The following ADGB variants were observed in gnomAD, a reference collection of about 807,000 sequenced individuals.
The protein encoded by ADGB is calpain-7-like protein.
In ADGB, 172 loss-of-function variants were observed where a neutral mutation model predicts 210.5. That is an observed-to-expected ratio of 0.82 (90% CI 0.72 to 0.93). ADGB has a LOEUF of 0.93. Ranked by LOEUF, ADGB falls within the 40% of genes least tolerant of loss-of-function variation. ADGB has a pLI of 0.00. For missense variants in ADGB, 2,025 were observed against 1,964.8 expected (o/e 1.03, Z -0.58); for synonymous variants, 658 against 662.7 (o/e 0.99, Z 0.11).
chr6:146,802,831 A>G (rs1232273023), intron 35 of ADGB: 1 of 1,609,458 alleles, frequency 6.2e-7, no homozygotes, highest in East Asian at 2.2e-5. Flanking sequence ...CTACATCCTT[A>G]GCTATATTAC....
intron 1 of ADGB, among the ~76,000 whole-genome samples, chr6:146,612,419 T>A (rs1048320433): frequency 6.6e-6 from 1 of 152,186 alleles, no homozygotes; most frequent in African/African-American, 2.4e-5. Context: ...ATGTTGCTCA[T>A]TTTAGGGAAT....
chr6:146,636,864 A>T (rs1336889119), intron 2 of ADGB, among the ~76,000 whole-genome samples: 1 of 152,094 alleles, frequency 6.6e-6, no homozygotes, highest in African/African-American at 2.4e-5. Flanking sequence ...TCCAAATATA[A>T]CAAGTATCCT....
At chr6:146,695,215 T>A (rs1367281632) in intron 12 of ADGB, among the ~76,000 whole-genome samples, 1 of 152,176 alleles carries the variant, frequency 6.6e-6, no homozygotes, top group Non-Finnish European at 1.5e-5. Flanking sequence ...TAATTTTGCT[T>A]TCATAGTACT....
At chr6:146,698,137 C>G (rs1776435858) in intron 12 of ADGB, among the ~76,000 whole-genome samples, 1 of 152,118 alleles carries the variant, frequency 6.6e-6, no homozygotes, top group South Asian at 2.1e-4. Flanking sequence ...TTGTGGATTG[C>G]TAGTAATATG....
intron 6 of ADGB, 105 bp from the exon 7 acceptor site, chr6:146,666,711 G>T: frequency 1.6e-6 from 1 of 608,416 alleles, no homozygotes; most frequent in Non-Finnish European, 2.8e-6. Flanking sequence ...AGTCTATAAT[G>T]AATAATCAGA....
Position 146,635,191 on chromosome 6 carries a change from T to A in ADGB, c.75-184T>A, listed in dbSNP as rs115402971. On this transcript the variant is annotated intron_variant, in intron 1 of 35. Transcript: ENST00000397944. ...ACTTTAGCTTATGAAATAAACTCTT[T>A]GGGGTTATTTTAGTCTTTAGAAACT... 5.6e-3 allele frequency among the ~76,000 whole-genome samples: 851 copies of A among 152,146 alleles called. 12 individuals carry two copies. Among genetic ancestry groups the A allele is most frequent in the African/African-American group, 0.019 (809 of 41,532 alleles).
At position 146,782,148 on chromosome 6, in the gene ADGB, G is replaced by A. The variant is rs1218203043; in HGVS notation, c.3991G>A (p.Glu1331Lys). The change falls in exon 30 of 36, where the codon GAA becomes AAA. Residue 1331 changes from glutamate (E) to lysine (K), a missense_variant. Transcript: ENST00000397944. ...RKGKEKSSEK[E>K]KTAKEKQAPR... ...AGGCAAAGAAAAGTCTTCTGAGAAA[G>A]AAAAGACAGCCAAAGAAAAACAAGC... 4 of 1,542,804 alleles carry A rather than the reference G, an allele frequency of 2.6e-6. No individual in the cohort carries two copies. The highest frequency in any genetic ancestry group is 3.5e-6 in the Non-Finnish European group (4 of 1,144,252).
chr6:146,621,441 T>C (rs1303140139), intron 1 of ADGB, among the ~76,000 whole-genome samples: 1 of 152,074 alleles, frequency 6.6e-6, no homozygotes, highest in Non-Finnish European at 1.5e-5. Context: ...GGGCTTCCCA[T>C]GAAGATTCCA....
At chr6:146,807,267 T>TA (rs1778225720) in intron 35 of ADGB, 5 of 853,318 alleles carry the variant, frequency 5.9e-6, no homozygotes, top group Admixed American at 3.1e-5. Context: ...GACCATACAC[T>TA]AATTTTCATC....
chr6:146,626,829 C>T (rs1053288932), intron 1 of ADGB, among the ~76,000 whole-genome samples: 2 of 151,224 alleles, frequency 1.3e-5, no homozygotes, highest in African/African-American at 4.9e-5. Context: ...TTTTAATGAC[C>T]ATTATTTCTT....
At chr6:146,647,827 G>T (rs1171896874) in intron 3 of ADGB, among the ~76,000 whole-genome samples, 2 of 151,626 alleles carry the variant, frequency 1.3e-5, no homozygotes, top group African/African-American at 4.8e-5. Flanking sequence ...GTTTTTAAAA[G>T]AAACAAATAA....
chr6:146,659,531 C>T (rs1583578359), intron 5 of ADGB, among the ~76,000 whole-genome samples: 1 of 152,198 alleles, frequency 6.6e-6, no homozygotes, highest in Admixed American at 6.5e-5. Context: ...TTCTTTGAGG[C>T]AAACCAACCT....
intron 21 of ADGB, among the ~76,000 whole-genome samples, chr6:146,733,503 C>T (rs1024434578): frequency 6.6e-6 from 1 of 152,106 alleles, no homozygotes; most frequent in African/African-American, 2.4e-5. Context: ...TACTCCTAAC[C>T]TTAAAAATAT....
intron 1 of ADGB, among the ~76,000 whole-genome samples, chr6:146,633,465 C>G (rs761747670): frequency 5.9e-5 from 9 of 151,984 alleles, no homozygotes; most frequent in Non-Finnish European, 7.4e-5. Context: ...CCTTGACAAT[C>G]TTTGCATCTA....
intron 9 of ADGB, among the ~76,000 whole-genome samples, chr6:146,685,444 T>C (rs141077364): frequency 1.3e-5 from 2 of 152,126 alleles, no homozygotes; most frequent in East Asian, 3.9e-4. Flanking sequence ...CCATTCTATG[T>C]TGCACTGACG....
intron 1 of ADGB, among the ~76,000 whole-genome samples, chr6:146,604,352 C>A (rs905839247): frequency 6.6e-6 from 1 of 152,152 alleles, no homozygotes; most frequent in South Asian, 2.1e-4. Flanking sequence ...GCATTGCTTT[C>A]GTGTAAATTA....
At chr6:146,694,621 C>T (rs1776379685) in intron 12 of ADGB, among the ~76,000 whole-genome samples, 1 of 152,054 alleles carries the variant, frequency 6.6e-6, no homozygotes, top group African/African-American at 2.4e-5. Flanking sequence ...CCAGTTCTTC[C>T]CCTAAAATGA....
chr6:146,613,138 G>A (rs1011448694), intron 1 of ADGB, among the ~76,000 whole-genome samples: 1 of 152,094 alleles, frequency 6.6e-6, no homozygotes, highest in Non-Finnish European at 1.5e-5. Flanking sequence ...TTTGAGAATA[G>A]AAACTGAATC....
chr6:146,673,051 T>A (rs140864455), intron 8 of ADGB, among the ~76,000 whole-genome samples: 41 of 152,120 alleles, frequency 2.7e-4, no homozygotes, highest in Middle Eastern at 3.4e-3. Flanking sequence ...TATATAGGAG[T>A]CTTATCTATG....
Sources: allele counts gnomAD v4.1 joint callset (sites outside exome capture counted in the v4.1 genomes callset), GRCh38; gene constraint gnomAD v4.1.1; transcripts MANE v1.5; gene names NCBI Gene and HGNC (gene_info 2026-07-23, HGNC 2026-07-21).